GPR39: variants seen among roughly 807,000 people sequenced by gnomAD.
GPR39 encodes the protein zinc sensing receptor.
Under a neutral mutation model 18.4 loss-of-function variants are expected in GPR39, and 23 were observed. The ratio of observed to expected loss-of-function variants is 1.25; its 90% CI spans 0.90 to 1.77. The LOEUF is 1.77. GPR39 is among the 40% of genes most tolerant of loss of function. The probability of loss-of-function intolerance (pLI) is 0.00; values close to 1 mark genes in which losing one functional copy is unlikely to be tolerated. For missense variants in GPR39, 647 were observed against 602.4 expected, an observed-to-expected ratio of 1.07 and a Z score of -0.78; for synonymous variants, 280 against 257.9, an observed-to-expected ratio of 1.09 and a Z score of -0.82.
intron 1 of GPR39, among the ~76,000 whole-genome samples, chr2:132,427,889 AATAT>A (rs1553446902): frequency 7.0e-5 from 10 of 142,282 alleles, no homozygotes; most frequent in Non-Finnish European, 1.4e-4. Flanking sequence ...ATATATATAT[AATAT>A]ATATATAATA....
intron 1 of GPR39, among the ~76,000 whole-genome samples, chr2:132,589,959 A>G (rs569799017): frequency 6.6e-6 from 1 of 152,332 alleles, no homozygotes; most frequent in African/African-American, 2.4e-5. Context: ...TTTATTTCTC[A>G]GTAACCCCCA....
chr2:132,483,711 A>C (rs1187062769), intron 1 of GPR39, among the ~76,000 whole-genome samples: 1 of 152,182 alleles, frequency 6.6e-6, no homozygotes, highest in Non-Finnish European at 1.5e-5. Context: ...AAAATCTCCA[A>C]AATGCATTCA....
intron 1 of GPR39, among the ~76,000 whole-genome samples, chr2:132,563,698 T>G (rs1046471516): frequency 2.6e-5 from 4 of 152,176 alleles, no homozygotes; most frequent in African/African-American, 4.8e-5. Flanking sequence ...GAAATCCCAA[T>G]GCTCAGGCCT....
chr2:132,512,863 GA>G (rs1426741936), intron 1 of GPR39, among the ~76,000 whole-genome samples: 3 of 152,186 alleles, frequency 2.0e-5, no homozygotes, highest in African/African-American at 7.2e-5. Flanking sequence ...GGATGGCTGG[GA>G]AACTTAGACT....
chr2:132,461,995 G>A (rs1238795482), intron 1 of GPR39, among the ~76,000 whole-genome samples: 3 of 152,124 alleles, frequency 2.0e-5, no homozygotes, highest in East Asian at 1.9e-4. Flanking sequence ...AAGATGCAAC[G>A]CAGTAAGATT....
At chr2:132,598,975 G>C (rs1680995373) in intron 1 of GPR39, among the ~76,000 whole-genome samples, 2 of 152,104 alleles carry the variant, frequency 1.3e-5, no homozygotes, top group Non-Finnish European at 2.9e-5. Context: ...TAAAACAGCA[G>C]CAACAACAAC....
chr2:132,499,409 A>G (rs957507239), intron 1 of GPR39, among the ~76,000 whole-genome samples: 4 of 152,104 alleles, frequency 2.6e-5, no homozygotes, highest in African/African-American at 9.7e-5. Flanking sequence ...CCCTTGGTCT[A>G]GGTGCCTATT....
chr2:132,568,372 T>G (rs879903055), intron 1 of GPR39, among the ~76,000 whole-genome samples: 1 of 151,994 alleles, frequency 6.6e-6, no homozygotes, highest in Non-Finnish European at 1.5e-5. Flanking sequence ...CCAGAGGACA[T>G]AGATTTCTAT....
chr2:132,544,806 T>TC (rs1679914088), intron 1 of GPR39, among the ~76,000 whole-genome samples: 1 of 152,112 alleles, frequency 6.6e-6, no homozygotes, highest in South Asian at 2.1e-4. Context: ...CACCTGAAGT[T>TC]GGGTGGTCTG....
chr2:132,533,422 C>A (rs74639427), intron 1 of GPR39, among the ~76,000 whole-genome samples: 8,165 of 102,726 alleles, frequency 0.079, 844 homozygotes, highest in East Asian at 0.2. Flanking sequence ...CATACTGCCC[C>A]AGGTAATTTA....
At chr2:132,524,752 ATAAATTT>A (rs1679480198) in intron 1 of GPR39, among the ~76,000 whole-genome samples, 2 of 152,268 alleles carry the variant, frequency 1.3e-5, no homozygotes, top group African/African-American at 4.8e-5. Flanking sequence ...TTTTTAAAAA[ATAAATTT>A]TAAAGATGTA....
chr2:132,551,031 G>A (rs1680033531), intron 1 of GPR39, among the ~76,000 whole-genome samples: 1 of 152,134 alleles, frequency 6.6e-6, no homozygotes, highest in Admixed American at 6.5e-5. Flanking sequence ...TATAGTTTTT[G>A]GTTACAAGGA....
intron 1 of GPR39, among the ~76,000 whole-genome samples, chr2:132,585,563 G>C (rs574731527): frequency 6.6e-6 from 1 of 152,192 alleles, no homozygotes; most frequent in Non-Finnish European, 1.5e-5. Context: ...GTGTGCGGAC[G>C]GGGCCTGGAC....
intron 1 of GPR39, among the ~76,000 whole-genome samples, chr2:132,584,352 ATTAT>A (rs1357791276): frequency 6.6e-6 from 1 of 152,204 alleles, no homozygotes; most frequent in Non-Finnish European, 1.5e-5. Context: ...GCAATAGCTA[ATTAT>A]TAGACAGATG....
intron 1 of GPR39, among the ~76,000 whole-genome samples, chr2:132,632,077 C>G (rs1681660124): frequency 6.6e-6 from 1 of 152,082 alleles, no homozygotes; most frequent in Admixed American, 6.5e-5. Context: ...CTCGGCCTCC[C>G]AAAGTGCTGG....
intron 1 of GPR39, among the ~76,000 whole-genome samples, chr2:132,575,965 C>T (rs1284889262): frequency 7.2e-5 from 11 of 152,206 alleles, no homozygotes; most frequent in South Asian, 6.2e-4. Flanking sequence ...CGCCAGAAGA[C>T]GGCACTCTGT....
intron 1 of GPR39, among the ~76,000 whole-genome samples, chr2:132,498,466 T>C (rs1331030515): frequency 6.6e-6 from 1 of 152,224 alleles, no homozygotes; most frequent in African/African-American, 2.4e-5. Flanking sequence ...ATTTTCTTTA[T>C]CCACTCATTG....
intron 1 of GPR39, among the ~76,000 whole-genome samples, chr2:132,508,329 A>T (rs1679173361): frequency 6.6e-6 from 1 of 151,954 alleles, no homozygotes; most frequent in Admixed American, 6.6e-5. Flanking sequence ...ACTTCAGAAG[A>T]CTCTCAACCC....
chr2:132,499,152 T>C (rs62167450), intron 1 of GPR39, among the ~76,000 whole-genome samples: 22,125 of 152,186 alleles, frequency 0.15, 1,742 homozygotes, highest in African/African-American at 0.2. Context: ...TCTAGAAGTG[T>C]TTTTCCTAAG....
Sources: gnomAD v4.1 joint callset for allele counts (sites outside exome capture counted in the v4.1 genomes callset) on GRCh38, gnomAD v4.1.1 for gene constraint, MANE v1.5 for transcripts, NCBI Gene and HGNC (gene_info 2026-07-23, HGNC 2026-07-21) for gene names.